The following SLC14A2 variants were observed in gnomAD, a reference collection of about 807,000 sequenced individuals.
SLC14A2 encodes the protein urea transporter 2.
A neutral mutation model predicts 104.6 loss-of-function variants in SLC14A2; 91 were observed. The observed-to-expected ratio is 0.87, with a 90% CI of 0.73 to 1.04. The LOEUF (loss-of-function observed/expected upper bound fraction) is 1.04, where lower values mean the gene tolerates loss of function less well. Ranked by LOEUF, SLC14A2 falls within the 50% of genes least tolerant of loss-of-function variation. The pLI, the probability that SLC14A2 is intolerant of heterozygous loss-of-function variation, is 0.00. For missense variants in SLC14A2, 1,189 were observed against 1,156.0 expected, an observed-to-expected ratio of 1.03 and a Z score of -0.41; for synonymous variants, 476 against 466.4, an observed-to-expected ratio of 1.02 and a Z score of -0.27.
At chr18:45,588,182 T>TCA (rs2044595615) in intron 2 of SLC14A2, among the ~76,000 whole-genome samples, 1 of 152,136 alleles carries the variant, frequency 6.6e-6, no homozygotes, top group Non-Finnish European at 1.5e-5. Context: ...AGATGTCTGA[T>TCA]CACTAGGGCT....
intron 2 of SLC14A2, among the ~76,000 whole-genome samples, chr18:45,534,061 T>C (rs1346133938): frequency 6.6e-6 from 1 of 152,240 alleles, no homozygotes; most frequent in Non-Finnish European, 1.5e-5. Flanking sequence ...TCTTAAGCTT[T>C]TGTGCTTCCC....
At chr18:45,319,854 G>T (rs1036705487) in intron 1 of SLC14A2, among the ~76,000 whole-genome samples, 1 of 152,132 alleles carries the variant, frequency 6.6e-6, no homozygotes, top group Non-Finnish European at 1.5e-5. Flanking sequence ...AGAAATGCTG[G>T]GTTTTCTCCT....
At chr18:45,280,175 A>C (rs1289723723) in intron 1 of SLC14A2, among the ~76,000 whole-genome samples, 2 of 152,214 alleles carry the variant, frequency 1.3e-5, no homozygotes, top group Non-Finnish European at 2.9e-5. Context: ...AATGAGAGGC[A>C]GAGGTAAGAT....
chr18:45,566,786 TACAG>T (rs2144324483), intron 2 of SLC14A2, among the ~76,000 whole-genome samples: 1 of 152,294 alleles, frequency 6.6e-6, no homozygotes, highest in South Asian at 2.1e-4. Flanking sequence ...TGCAGGGCGG[TACAG>T]ACAGAGAATA....
intron 5 of SLC14A2, among the ~76,000 whole-genome samples, chr18:45,634,332 C>T (rs1426724008): frequency 6.6e-6 from 1 of 152,192 alleles, no homozygotes; most frequent in Non-Finnish European, 1.5e-5. Context: ...TCCCTTGGAA[C>T]TGACATTCTT....
At chr18:45,679,443 A>G (rs1487839263) in intron 19 of SLC14A2, among the ~76,000 whole-genome samples, 2 of 152,144 alleles carry the variant, frequency 1.3e-5, no homozygotes, top group Non-Finnish European at 2.9e-5. Flanking sequence ...TCAAACCCCA[A>G]CCAGGCGAGA....
chr18:45,520,178 C>T (rs1311807534), intron 2 of SLC14A2, among the ~76,000 whole-genome samples: 3 of 152,222 alleles, frequency 2.0e-5, no homozygotes, highest in Admixed American at 6.5e-5. Flanking sequence ...CCATGTTGGA[C>T]TCAGTACCTA....
At chr18:45,539,175 G>GCAGGGATTCGGGTGGGAATT (rs2043846462) in intron 2 of SLC14A2, among the ~76,000 whole-genome samples, 1 of 150,588 alleles carries the variant, frequency 6.6e-6, no homozygotes, top group African/African-American at 2.4e-5. Flanking sequence ...CTAGGTGGAT[G>GCAGGGATTCGGGTGGGAATT]CAGGGATTCA....
chr18:45,324,208 C>T (rs1013391286), intron 1 of SLC14A2, among the ~76,000 whole-genome samples: 9 of 152,142 alleles, frequency 5.9e-5, no homozygotes, highest in African/African-American at 1.9e-4. Context: ...TAAGGATCCT[C>T]AGTAGTGAAC....
chr18:45,501,842 A>G (rs1285695796), intron 2 of SLC14A2, among the ~76,000 whole-genome samples: 1 of 152,184 alleles, frequency 6.6e-6, no homozygotes, highest in Non-Finnish European at 1.5e-5. Flanking sequence ...ATCACTCATG[A>G]AGGAGGAAGC....
At chr18:45,616,318 A>G (rs1054097065) in intron 1 of SLC14A2, among the ~76,000 whole-genome samples, 1 of 152,202 alleles carries the variant, frequency 6.6e-6, no homozygotes, top group African/African-American at 2.4e-5. Context: ...AAAGAGTTGC[A>G]TTTGACTATT....
the SLC14A2 span, chr18:45,168,963 A>AG: frequency 6.6e-6 from 1 of 152,212 alleles, no homozygotes; most frequent in Admixed American, 6.5e-5. Flanking sequence ...CAATGATGAC[A>AG]GGGGTCATGC....
chr18:45,632,517 G>A (rs748043584), intron 5 of SLC14A2, 39 bp downstream of exon 5: 8 of 1,606,058 alleles, frequency 5.0e-6, no homozygotes, highest in East Asian at 4.5e-5. Flanking sequence ...GCTCCATGGG[G>A]CCCCCAAGAC....
intron 2 of SLC14A2, among the ~76,000 whole-genome samples, chr18:45,511,239 C>T (rs2043361725): frequency 6.6e-6 from 1 of 152,188 alleles, no homozygotes; most frequent in Non-Finnish European, 1.5e-5. Flanking sequence ...TCACTATTTA[C>T]TCTGTGAGAA....
intron 1 of SLC14A2, among the ~76,000 whole-genome samples, chr18:45,396,907 T>C (rs899259744): frequency 6.6e-6 from 1 of 152,118 alleles, no homozygotes; most frequent in African/African-American, 2.4e-5. Flanking sequence ...TTATAAGTGA[T>C]AAATGTGGAA....
In SLC14A2 at chr18:45,626,261, T is replaced by C. The variant is rs536035498; in HGVS notation, c.331+398T>C. On this transcript the variant is annotated intron_variant, in intron 3 of 19. Coordinates refer to ENST00000255226, the MANE Select transcript of SLC14A2 (RefSeq NM_007163.4). Reference sequence around the variant, plus strand: ...AGCCATTTATTATGTGCCTGCTATGTGCCAAGAAAATATTGGTATCATCCT... The same window carrying C: ...AGCCATTTATTATGTGCCTGCTATGCGCCAAGAAAATATTGGTATCATCCT... 3.3e-5 allele frequency among the ~76,000 whole-genome samples: 5 copies of C among 152,346 alleles called. No individual in the cohort carries two copies. In the South Asian group the frequency reaches 1.0e-3, roughly 32 times the overall value.
At chr18:45,631,414 A>G (rs2045344079) in intron 4 of SLC14A2, among the ~76,000 whole-genome samples, 2 of 152,214 alleles carry the variant, frequency 1.3e-5, no homozygotes, top group African/African-American at 4.8e-5. Context: ...GGTCAAGGAC[A>G]GTGTTTATTA....
intron 1 of SLC14A2, among the ~76,000 whole-genome samples, chr18:45,225,416 C>T (rs2084105331): frequency 6.6e-6 from 1 of 152,122 alleles, no homozygotes. Context: ...AGTTTGAAGT[C>T]AGGTAGCATG....
intron 1 of SLC14A2, among the ~76,000 whole-genome samples, chr18:45,310,570 T>G (rs998598534): frequency 3.3e-5 from 5 of 152,210 alleles, no homozygotes; most frequent in Admixed American, 1.3e-4. Context: ...AGATATTGGT[T>G]TAAAAGGAAC....
Sources: allele counts gnomAD v4.1 joint callset (sites outside exome capture counted in the v4.1 genomes callset), GRCh38; gene constraint gnomAD v4.1.1; transcripts MANE v1.5; gene names NCBI Gene and HGNC (gene_info 2026-07-23, HGNC 2026-07-21).